The following CACNA2D1 variants were observed in gnomAD, a reference collection of about 807,000 sequenced individuals.
CACNA2D1 encodes the protein calcium voltage-gated channel auxiliary subunit alpha2delta 1, also known as voltage-dependent calcium channel subunit alpha-2/delta-1.
CACNA2D1 carries 53 observed loss-of-function variants against 171.5 expected under a neutral mutation model. The ratio of observed to expected loss-of-function variants is 0.31; its 90% CI spans 0.25 to 0.39. The LOEUF (loss-of-function observed/expected upper bound fraction) is 0.39, where lower values mean the gene tolerates loss of function less well. Ranked by LOEUF, CACNA2D1 falls within the 10% of genes least tolerant of loss-of-function variation. CACNA2D1 has a pLI of 1.00. For synonymous variants in CACNA2D1, 442 were observed against 443.1 expected, an observed-to-expected ratio of 1.00 and a Z score of 0.03; for missense variants, 903 against 1,299.8, an observed-to-expected ratio of 0.69 and a Z score of 4.69.
At chr7:82,429,101 A>T (rs570515640) in intron 1 of CACNA2D1, among the ~76,000 whole-genome samples, 1 of 152,352 alleles carries the variant, frequency 6.6e-6, no homozygotes, top group South Asian at 2.1e-4. Context: ...TAAATTTACA[A>T]TCTTTTCCAT....
At chr7:82,308,727 T>C (rs1195042614) in intron 3 of CACNA2D1, among the ~76,000 whole-genome samples, 1 of 152,224 alleles carries the variant, frequency 6.6e-6, no homozygotes, top group Non-Finnish European at 1.5e-5. Context: ...AACTTTTGTT[T>C]AAGGTATTTT....
intron 3 of CACNA2D1, among the ~76,000 whole-genome samples, chr7:82,311,936 C>T (rs959942671): frequency 1.2e-4 from 18 of 152,184 alleles, no homozygotes; most frequent in African/African-American, 3.9e-4. Flanking sequence ...TTCTGACAGG[C>T]CCCCAAGAAC....
chr7:82,210,001 A>G (rs1432071689), intron 3 of CACNA2D1, among the ~76,000 whole-genome samples: 2 of 152,146 alleles, frequency 1.3e-5, no homozygotes, highest in African/African-American at 4.8e-5. Flanking sequence ...TATGTACCAG[A>G]ATTCTTTGTG....
At chr7:82,142,868 T>A (rs1262875442) in intron 4 of CACNA2D1, among the ~76,000 whole-genome samples, 1 of 152,238 alleles carries the variant, frequency 6.6e-6, no homozygotes, top group Non-Finnish European at 1.5e-5. Context: ...ACTGTTTAGC[T>A]AAAATCATTT....
chr7:82,123,677 A>G (rs182791833), intron 5 of CACNA2D1, among the ~76,000 whole-genome samples: 67 of 152,222 alleles, frequency 4.4e-4, no homozygotes, highest in African/African-American at 1.5e-3. Context: ...TCACTTCCCT[A>G]CTCTGACAAA....
At chr7:82,261,245 G>A (rs528130181) in intron 3 of CACNA2D1, among the ~76,000 whole-genome samples, 3 of 152,204 alleles carry the variant, frequency 2.0e-5, no homozygotes, top group East Asian at 1.9e-4. Context: ...ATGGGCCGCC[G>A]CACCCGGCCT....
chr7:81,983,733 A>G (rs1008311996), intron 22 of CACNA2D1, among the ~76,000 whole-genome samples: 1 of 152,200 alleles, frequency 6.6e-6, no homozygotes, highest in Non-Finnish European at 1.5e-5. Context: ...CATCATATCT[A>G]TCTATCAAGT....
intron 24 of CACNA2D1, among the ~76,000 whole-genome samples, chr7:81,975,971 G>C (rs2130531696): frequency 7.1e-6 from 1 of 140,576 alleles, no homozygotes; most frequent in African/African-American, 2.7e-5. Context: ...TCTGTAATTT[G>C]TTCTTTCAAG....
chr7:81,948,404 A>C lies in CACNA2D1; in HGVS notation c.*1988T>G, dbSNP rs1019208926. ...AACAATGCATTAGAAATGGTAACTG[A>C]TGTCAACTCTTAGAACAATAGTTGG... On this transcript the variant is annotated 3_prime_UTR_variant, in exon 39 of 39. Coordinates refer to ENST00000356860, the MANE Select transcript of CACNA2D1 (RefSeq NM_000722.4). The C allele has an allele frequency of 1.3e-5, 2 of 151,832 alleles. No homozygotes were observed. Among genetic ancestry groups the C allele is most frequent in the South Asian group, 4.1e-4 (2 of 4,832 alleles). 9.4% of individuals were successfully genotyped at this position (151,832 alleles called of 1,614,324 possible).
intron 2 of CACNA2D1, among the ~76,000 whole-genome samples, chr7:82,346,379 C>T (rs566223761): frequency 2.0e-5 from 3 of 152,216 alleles, no homozygotes; most frequent in Admixed American, 6.5e-5. Flanking sequence ...CAGATTGTAT[C>T]GTTAATCCCA....
Position 81,968,869 on chromosome 7 carries a change from T to C in CACNA2D1, c.2395+18A>G. 1 of 1,232,240 alleles carries C rather than the reference T, an allele frequency of 8.1e-7. No homozygotes were observed. The allele number at this position is 1,232,240 out of a possible 1,614,324, so 76.3% of individuals were successfully genotyped here. On this transcript the variant is annotated intron_variant, in intron 29 of 38. Transcript: ENST00000356860. ...ATTTAATTTTGATTGTGTTTTTGTA[T>C]TTAATATTTATCCTTACCTGCAGGT... is the stretch of plus-strand genomic sequence containing the variant.
intron 1 of CACNA2D1, among the ~76,000 whole-genome samples, chr7:82,422,035 T>C (rs1667356311): frequency 6.6e-6 from 1 of 152,144 alleles, no homozygotes; most frequent in African/African-American, 2.4e-5. Context: ...AGAGAATACT[T>C]AATTTTTAAA....
chr7:82,153,312 A>G (rs940891814), intron 4 of CACNA2D1, among the ~76,000 whole-genome samples: 5 of 152,062 alleles, frequency 3.3e-5, no homozygotes, highest in Non-Finnish European at 4.4e-5. Flanking sequence ...AAATCTGGAC[A>G]CTAAAAGCAA....
At chr7:82,178,022 T>A (rs1585014286) in intron 3 of CACNA2D1, among the ~76,000 whole-genome samples, 2 of 152,194 alleles carry the variant, frequency 1.3e-5, no homozygotes, top group East Asian at 1.9e-4. Context: ...TTATGGGAAA[T>A]AAAAATCTCA....
intron 3 of CACNA2D1, among the ~76,000 whole-genome samples, chr7:82,212,804 T>C (rs555628752): frequency 6.6e-6 from 1 of 152,210 alleles, no homozygotes; most frequent in African/African-American, 2.4e-5. Context: ...ATTATCCTCA[T>C]AAATGATGAA....
intron 3 of CACNA2D1, among the ~76,000 whole-genome samples, chr7:82,191,394 G>A (rs942327912): frequency 6.6e-6 from 1 of 151,712 alleles, no homozygotes; most frequent in African/African-American, 2.4e-5. Context: ...TCTGATAAAA[G>A]CTTTGAGAAT....
chr7:82,394,121 A>G (rs1004201748), intron 1 of CACNA2D1, among the ~76,000 whole-genome samples: 5 of 152,144 alleles, frequency 3.3e-5, no homozygotes, highest in Non-Finnish European at 1.5e-5. Context: ...GACTCAAAGG[A>G]GGGTTTTATT....
At chr7:82,250,454 T>C (rs1805499759) in intron 3 of CACNA2D1, among the ~76,000 whole-genome samples, 1 of 152,218 alleles carries the variant, frequency 6.6e-6, no homozygotes. Context: ...TTCCTGTGGA[T>C]ATATCCTGAA....
At chr7:82,192,399 A>AATATAT (rs57832901) in intron 3 of CACNA2D1, among the ~76,000 whole-genome samples, 16 of 146,620 alleles carry the variant, frequency 1.1e-4, no homozygotes, top group Admixed American at 3.5e-4. Flanking sequence ...AAACAGGGGA[A>AATATAT]ATATATATAT....
Sources: allele counts gnomAD v4.1 joint callset (sites outside exome capture counted in the v4.1 genomes callset), GRCh38; gene constraint gnomAD v4.1.1; transcripts MANE v1.5; gene names NCBI Gene and HGNC (gene_info 2026-07-23, HGNC 2026-07-21).